EIF4E: variants seen among roughly 807,000 people sequenced by gnomAD.
EIF4E encodes the protein eukaryotic translation initiation factor 4E.
For missense variants in EIF4E, 113 were observed against 265.6 expected, an observed-to-expected ratio of 0.43 and a Z score of 3.99; for synonymous variants, 71 against 88.5, an observed-to-expected ratio of 0.80 and a Z score of 1.11.
At chr4:98,912,332 TTTGGGAGGCCAAC>T (rs1271815102) in intron 1 of EIF4E, among the ~76,000 whole-genome samples, 1 of 151,274 alleles carries the variant, frequency 6.6e-6, no homozygotes, top group Non-Finnish European at 1.5e-5. Flanking sequence ...ATCCCAACAC[TTTGGGAGGCCAAC>T]ACGGGTGGAT....
At chr4:98,915,323 G>C (rs1725331176) in intron 1 of EIF4E, among the ~76,000 whole-genome samples, 1 of 151,530 alleles carries the variant, frequency 6.6e-6, no homozygotes, top group African/African-American at 2.4e-5. Flanking sequence ...AAAAAAAAGA[G>C]AAGTTCACAA....
intron 1 of EIF4E, among the ~76,000 whole-genome samples, chr4:98,915,928 T>A (rs912356805): frequency 2.0e-5 from 3 of 151,548 alleles, no homozygotes; most frequent in Non-Finnish European, 4.4e-5. Flanking sequence ...CTTCTGCTCA[T>A]GCCTGTAATC....
rs117630886 is a variant in EIF4E, at chr4:98,893,654, G to A, written c.126-2322C>T. Among the ~76,000 whole-genome samples, 14 of 152,260 alleles carry A rather than the reference G, an allele frequency of 9.2e-5. No individual in the cohort carries two copies. The East Asian group carries it at 2.7e-3, about 29-fold the overall frequency. On this transcript the variant is annotated intron_variant, in intron 2 of 6. Coordinates refer to ENST00000450253, the MANE Select transcript of EIF4E (RefSeq NM_001968.5). The stretch of plus-strand genomic sequence containing the variant: ...ACATCTTCAGGCTCCATTTCTTACT[G>A]TTGGTCTCTTGCTCTCTGCACATCT...
At chr4:98,900,697 G>C (rs1032513510) in intron 2 of EIF4E, among the ~76,000 whole-genome samples, 2 of 152,138 alleles carry the variant, frequency 1.3e-5, no homozygotes, top group African/African-American at 4.8e-5. Flanking sequence ...AGCATTCAGT[G>C]AACTCAAGTT....
Position 98,884,834 on chromosome 4 carries a change from T to C in EIF4E, c.539+88A>G, listed in dbSNP as rs1003600914. On this transcript the variant is annotated intron_variant, in intron 6 of 6. Transcript: ENST00000450253. Reference sequence around the variant, plus strand: ...TACAAGGAAAACAGGATCTACAAACTGAAGTATTTCTAAAGCTACAAATAA... The same window carrying C: ...TACAAGGAAAACAGGATCTACAAACCGAAGTATTTCTAAAGCTACAAATAA... The C allele has an allele frequency of 9.8e-6, 15 of 1,530,302 alleles. No individual in the cohort carries two copies. The African/African-American group carries it at 1.9e-4, about 20-fold the overall frequency. 94.8% of individuals were successfully genotyped at this position (1,530,302 alleles called of 1,614,324 possible). A position where few individuals can be genotyped will look rare whatever the true frequency, so the allele number is the denominator to read the frequency against.
intron 1 of EIF4E, among the ~76,000 whole-genome samples, chr4:98,922,481 A>T (rs1166643421): frequency 6.6e-6 from 1 of 151,548 alleles, no homozygotes; most frequent in African/African-American, 2.4e-5. Flanking sequence ...ACTTGAACCC[A>T]GGAGGCGGAG....
At chr4:98,921,693 T>C (rs1725650084) in intron 1 of EIF4E, among the ~76,000 whole-genome samples, 1 of 152,222 alleles carries the variant, frequency 6.6e-6, no homozygotes, top group Non-Finnish European at 1.5e-5. Context: ...TCAAAACAAC[T>C]GTTTTACCCT....
At chr4:98,920,896 C>G (rs1202767282) in intron 1 of EIF4E, among the ~76,000 whole-genome samples, 1 of 152,128 alleles carries the variant, frequency 6.6e-6, no homozygotes, top group Non-Finnish European at 1.5e-5. Context: ...CCCTAACATA[C>G]AAGTTTTACT....
intron 1 of EIF4E, among the ~76,000 whole-genome samples, chr4:98,923,580 G>A (rs895516693): frequency 3.9e-5 from 6 of 152,244 alleles, no homozygotes; most frequent in African/African-American, 9.6e-5. Context: ...CCAAAGCCTC[G>A]GATTACATGT....
At chr4:98,909,520 C>A in intron 1 of EIF4E, 1 of 602,800 alleles carries the variant, frequency 1.7e-6, no homozygotes, top group Admixed American at 3.4e-5. Context: ...GCAAAAAACA[C>A]CCTGTACATA....
At chr4:98,891,157 A>G (rs2110184835) in intron 3 of EIF4E, 80 bp downstream of exon 3, 4 of 1,472,002 alleles carry the variant, frequency 2.7e-6, no homozygotes, top group South Asian at 2.4e-5. Flanking sequence ...CTCACACTTC[A>G]TTTTGTGAAT....
At chr4:98,917,127 CACACACAA>C (rs750729581) in intron 1 of EIF4E, among the ~76,000 whole-genome samples, 1,643 of 68,774 alleles carry the variant, frequency 0.024, 36 homozygotes, top group African/African-American at 0.061. Context: ...CACACACACA[CACACACAA>C]AAAAAACCCA....
In EIF4E at chr4:98,919,002, C is replaced by T. The variant is rs1725527681; in HGVS notation, c.18+10093G>A. Among the ~76,000 whole-genome samples, 4 of 152,208 alleles carry T rather than the reference C, an allele frequency of 2.6e-5. No homozygotes were observed. The South Asian group carries it at 6.2e-4, about 24-fold the overall frequency. Reference sequence around the variant, plus strand: ...CACTGTAAAGTACTGTCTATTTACACACACATTTAAAAAACTAGTAAAAAG... The same window carrying T: ...CACTGTAAAGTACTGTCTATTTACATACACATTTAAAAAACTAGTAAAAAG... On this transcript the variant is annotated intron_variant, in intron 1 of 6. Coordinates refer to ENST00000450253, the MANE Select transcript of EIF4E (RefSeq NM_001968.5).
chr4:98,919,162 T>C (rs562055532), intron 1 of EIF4E, among the ~76,000 whole-genome samples: 114 of 151,586 alleles, frequency 7.5e-4, no homozygotes, highest in African/African-American at 2.7e-3. Context: ...CAAAAATTAG[T>C]TGGCAGTGGT....
At chr4:98,882,141 C>G (rs758303505) in intron 6 of EIF4E, among the ~76,000 whole-genome samples, 12 of 151,768 alleles carry the variant, frequency 7.9e-5, no homozygotes, top group Non-Finnish European at 1.3e-4. Flanking sequence ...GCCTGTAATC[C>G]CAGCACTTTG....
At chr4:98,915,097 C>G (rs1380746145) in intron 1 of EIF4E, among the ~76,000 whole-genome samples, 2 of 152,108 alleles carry the variant, frequency 1.3e-5, no homozygotes, top group African/African-American at 4.8e-5. Context: ...GCACATGCCA[C>G]CACACCCAGC....
intron 1 of EIF4E, among the ~76,000 whole-genome samples, chr4:98,914,874 G>A (rs930111687): frequency 6.6e-6 from 1 of 152,152 alleles, no homozygotes. Flanking sequence ...CTGCACCGGG[G>A]CAAGGAGTAA....
At chr4:98,913,730 G>C (rs974999442) in intron 1 of EIF4E, among the ~76,000 whole-genome samples, 15 of 152,024 alleles carry the variant, frequency 9.9e-5, no homozygotes, top group Non-Finnish European at 2.1e-4. Flanking sequence ...ATTACAGAGT[G>C]GAATACAACC....
chr4:98,914,088 G>T (rs1236903500), intron 1 of EIF4E, among the ~76,000 whole-genome samples: 1 of 150,548 alleles, frequency 6.6e-6, no homozygotes, highest in Non-Finnish European at 1.5e-5. Flanking sequence ...GGCCAGGCAC[G>T]GTGGCTCACA....
Sources: gnomAD v4.1 joint callset for allele counts (sites outside exome capture counted in the v4.1 genomes callset) on GRCh38, gnomAD v4.1.1 for gene constraint, MANE v1.5 for transcripts, NCBI Gene and HGNC (gene_info 2026-07-23, HGNC 2026-07-21) for gene names.